Variants in DCDC2C observed in about 807,000 individuals in gnomAD.
The protein encoded by DCDC2C is doublecortin domain containing 2C, also known as doublecortin domain-containing protein 2C.
DCDC2C carries 44 observed loss-of-function variants against 45.0 expected under a neutral mutation model. The observed-to-expected ratio is 0.98, with a 90% CI of 0.77 to 1.26. The LOEUF is 1.26. Ranked by LOEUF, DCDC2C falls within the 50% of genes most tolerant of loss-of-function variation. DCDC2C has a pLI of 0.00. For missense variants in DCDC2C, 447 were observed against 468.9 expected (o/e 0.95, Z 0.43); for synonymous variants, 187 against 178.8 (o/e 1.05, Z -0.37).
chr2:3,765,804 A>G (rs1462465679), intron 6 of DCDC2C, among the ~76,000 whole-genome samples: 1 of 152,156 alleles, frequency 6.6e-6, no homozygotes, highest in Non-Finnish European at 1.5e-5. Flanking sequence ...TGTGGATTAC[A>G]TATGCTGCTG....
intron 8 of DCDC2C, among the ~76,000 whole-genome samples, chr2:3,777,513 A>G (rs755677633): frequency 3.3e-5 from 5 of 152,218 alleles, no homozygotes; most frequent in African/African-American, 1.2e-4. Context: ...CACATCGACT[A>G]TTCTTTAAAA....
chr2:3,715,889 G>A (rs2148053029), intron 2 of DCDC2C, among the ~76,000 whole-genome samples: 1 of 152,326 alleles, frequency 6.6e-6, no homozygotes, highest in Non-Finnish European at 1.5e-5. Context: ...GATATGAAAT[G>A]TCATGCTGGG....
At chr2:3,773,250 T>C (rs901699542) in intron 8 of DCDC2C, among the ~76,000 whole-genome samples, 5 of 152,186 alleles carry the variant, frequency 3.3e-5, no homozygotes, top group Non-Finnish European at 7.4e-5. Context: ...GACCCCCTGT[T>C]TTTTTTCCCT....
At chr2:3,758,012 CCA>C (rs1327316507) in intron 6 of DCDC2C, among the ~76,000 whole-genome samples, 2 of 152,116 alleles carry the variant, frequency 1.3e-5, no homozygotes, top group African/African-American at 4.8e-5. Context: ...TTGCAGGGAT[CCA>C]GATTTAAGCA....
intron 2 of DCDC2C, among the ~76,000 whole-genome samples, chr2:3,724,361 T>C (rs1668579308): frequency 6.6e-6 from 1 of 152,178 alleles, no homozygotes; most frequent in Non-Finnish European, 1.5e-5. Flanking sequence ...CAGAGTGGCC[T>C]CTCTGCAGTG....
At chr2:3,805,001 G>A (rs1469008723) in intron 10 of DCDC2C, among the ~76,000 whole-genome samples, 1 of 152,180 alleles carries the variant, frequency 6.6e-6, no homozygotes. Context: ...ATTACCTTCT[G>A]TTTTCCCTTT....
At chr2:3,739,389 C>T (rs1197504484) in intron 3 of DCDC2C, among the ~76,000 whole-genome samples, 1 of 143,562 alleles carries the variant, frequency 7.0e-6, no homozygotes, top group African/African-American at 2.7e-5. Context: ...CCCAAGACCA[C>T]CCTTGGCCTG....
chr2:3,783,091 G>A lies in DCDC2C; in HGVS notation c.1024-1968G>A, dbSNP rs1259196554. ...AGAAGGGTTATGCATAGGAGTGGTCGGGTATTGTGTGACTCAGGTTTTTCT... is the reference window on the plus strand; with the variant it reads ...AGAAGGGTTATGCATAGGAGTGGTCAGGTATTGTGTGACTCAGGTTTTTCT... On this transcript the variant is annotated intron_variant, in intron 9 of 10. Coordinates refer to ENST00000399143, the MANE Select transcript of DCDC2C (RefSeq NM_001287444.2). Among the ~76,000 whole-genome samples, 5 of 152,126 alleles carry A rather than the reference G, an allele frequency of 3.3e-5. No homozygotes were observed. The East Asian group carries it at 5.8e-4, about 18-fold the overall frequency.
At chr2:3,704,367 C>T (rs1247841347) in intron 1 of DCDC2C, among the ~76,000 whole-genome samples, 14 of 99,666 alleles carry the variant, frequency 1.4e-4, no homozygotes, top group Non-Finnish European at 2.7e-4. Flanking sequence ...TGGAGGAGGG[C>T]GTGGGGGAGG....
At chr2:3,713,326 T>A (rs1306403818) in intron 2 of DCDC2C, among the ~76,000 whole-genome samples, 1 of 152,062 alleles carries the variant, frequency 6.6e-6, no homozygotes, top group Non-Finnish European at 1.5e-5. Context: ...GCAAAGCAGC[T>A]CTCCCAGGGA....
At position 3,703,865 on chromosome 2, in the gene DCDC2C, C is replaced by T; in HGVS notation, c.114C>T (p.Arg38=). 7.7e-7 allele frequency: 1 copy of T among 1,291,734 alleles called. No individual in the cohort carries two copies. The highest frequency in any genetic ancestry group is 9.9e-7 in the Non-Finnish European group (1 of 1,015,036). 80.0% of individuals were successfully genotyped at this position (1,291,734 alleles called of 1,614,324 possible). Residue 38 remains arginine (R), a synonymous_variant, in exon 1 of 11, where the codon CGC becomes CGT. Transcript: ENST00000399143. This position sits in a 1 kb window ranked among gnomAD's most constrained non-coding sequence, Gnocchi z 4.4. ...YVGKKFVLSR[R]RAATFEALLE... ...GCAAGAAGTTCGTGCTGTCGCGGCG[C>T]CGCGCGGCCACCTTCGAGGCGCTGC...
intron 3 of DCDC2C, among the ~76,000 whole-genome samples, chr2:3,731,102 A>G (rs1487547466): frequency 1.3e-5 from 2 of 152,224 alleles, no homozygotes; most frequent in Non-Finnish European, 1.5e-5. Flanking sequence ...AGTGGGAGAC[A>G]GAATCTTCCA....
chr2:3,829,411 C>A lies in DCDC2C; in HGVS notation c.1066-17743C>A, dbSNP rs557160268. 3.6e-4 allele frequency among the ~76,000 whole-genome samples: 54 copies of A among 150,150 alleles called. 1 individual carries two copies. The highest frequency in any genetic ancestry group is 1.5e-3 in the Admixed American group (23 of 14,994). ...TGAGGAACTGTTATTGATTGTCATT[C>A]AAAAAGCTACTGGCACTTGGTGACA... On this transcript the variant is annotated intron_variant, in intron 10 of 10. Coordinates refer to ENST00000399143, the MANE Select transcript of DCDC2C (RefSeq NM_001287444.2).
intron 6 of DCDC2C, among the ~76,000 whole-genome samples, chr2:3,760,875 G>GA (rs539866490): frequency 2.9e-4 from 44 of 150,896 alleles, no homozygotes; most frequent in East Asian, 5.9e-4. Flanking sequence ...CAAGGAAATG[G>GA]AAAAAAAAAT....
intron 10 of DCDC2C, among the ~76,000 whole-genome samples, chr2:3,817,660 G>C (rs887967572): frequency 6.6e-6 from 1 of 152,214 alleles, no homozygotes; most frequent in Non-Finnish European, 1.5e-5. Flanking sequence ...GGACAGAAAG[G>C]CTACAGGGTG....
At chr2:3,710,647 A>C (rs975972652) in intron 2 of DCDC2C, among the ~76,000 whole-genome samples, 1 of 152,182 alleles carries the variant, frequency 6.6e-6, no homozygotes, top group Non-Finnish European at 1.5e-5. Flanking sequence ...CCATCTATTA[A>C]TAGTAGTATC....
chr2:3,779,032 G>T (rs1374443173), intron 9 of DCDC2C, 148 bp downstream of exon 9: 5 of 733,058 alleles, frequency 6.8e-6, no homozygotes, highest in Admixed American at 2.8e-5. Context: ...AGTGCATTTC[G>T]CAGGCAGCCG....
chr2:3,835,116 TC>T (rs1397953565), intron 10 of DCDC2C, among the ~76,000 whole-genome samples: 6 of 152,128 alleles, frequency 3.9e-5, no homozygotes, highest in Admixed American at 1.3e-4. Flanking sequence ...TGGAAGTGCT[TC>T]TCCACTTGCC....
intron 6 of DCDC2C, among the ~76,000 whole-genome samples, chr2:3,765,771 A>G (rs1181967765): frequency 6.6e-6 from 1 of 152,144 alleles, no homozygotes; most frequent in East Asian, 1.9e-4. Context: ...GAAAAACACA[A>G]CAAACATCAT....
Sources: allele counts gnomAD v4.1 joint callset (sites outside exome capture counted in the v4.1 genomes callset), GRCh38; gene constraint gnomAD v4.1.1; non-coding constraint Gnocchi (gnomAD v3.1); transcripts MANE v1.5; gene names NCBI Gene and HGNC (gene_info 2026-07-23, HGNC 2026-07-21).